Variants in RBFOX1 observed in about 807,000 individuals in gnomAD.
The protein encoded by RBFOX1 is RNA binding fox-1 homolog 1, also known as RNA binding protein fox-1 homolog 1.
RBFOX1 carries 8 observed loss-of-function variants against 57.7 expected under a neutral mutation model. The observed-to-expected ratio is 0.14, with a 90% CI of 0.08 to 0.25. The LOEUF (loss-of-function observed/expected upper bound fraction) is 0.25, where lower values mean the gene tolerates loss of function less well. Ranked by LOEUF, RBFOX1 falls within the 10% of genes least tolerant of loss-of-function variation. The pLI is 1.00. For synonymous variants in RBFOX1, 326 were observed against 222.4 expected (o/e 1.47, Z -4.15); for missense variants, 611 against 548.5 (o/e 1.11, Z -1.14).
At chr16:6,664,393 T>C (rs1453763911) in intron 3 of RBFOX1, among the ~76,000 whole-genome samples, 2 of 152,188 alleles carry the variant, frequency 1.3e-5, no homozygotes, top group East Asian at 1.9e-4. Flanking sequence ...CTGGTCCTAC[T>C]ATCTCTGGTC....
At chr16:5,845,899 G>T (rs181228101) in intron 3 of RBFOX1, among the ~76,000 whole-genome samples, 1 of 152,254 alleles carries the variant, frequency 6.6e-6, no homozygotes, top group South Asian at 2.1e-4. Flanking sequence ...ATGGCCTGGC[G>T]TGGTGGCTCA....
rs2154242260 is a variant in RBFOX1, at chr16:6,786,201, T to C, written c.-16+131551T>C. Among the ~76,000 whole-genome samples, 2 of 152,210 alleles carry C rather than the reference T, an allele frequency of 1.3e-5. 1 individual carries two copies. The highest frequency in any genetic ancestry group is 6.8e-3 in the Middle Eastern group (2 of 294). ...ATGACCCTGTTGACTCCTCATTCCT[T>C]GGGGAGGGGTATGTCAGAAGAGGGT... On this transcript the variant is annotated intron_variant, in intron 3 of 15. Coordinates refer to ENST00000550418, the MANE Select transcript of RBFOX1 (RefSeq NM_018723.4).
At chr16:5,290,033 T>C (rs1393244013) in intron 1 of RBFOX1, among the ~76,000 whole-genome samples, 1 of 152,214 alleles carries the variant, frequency 6.6e-6, no homozygotes, top group Non-Finnish European at 1.5e-5. Flanking sequence ...TGGAATATTA[T>C]TCAGTCATCA....
At chr16:7,476,307 A>AATTACAAGC (rs1244845247) in intron 4 of RBFOX1, among the ~76,000 whole-genome samples, 2 of 152,198 alleles carry the variant, frequency 1.3e-5, no homozygotes, top group African/African-American at 4.8e-5. Flanking sequence ...TTACCCTCAC[A>AATTACAAGC]ATTACAAGCT....
intron 2 of RBFOX1, among the ~76,000 whole-genome samples, chr16:6,413,005 C>T (rs548861139): frequency 6.6e-6 from 1 of 152,276 alleles, no homozygotes; most frequent in East Asian, 1.9e-4. Context: ...AAAATTACAA[C>T]ACCAGGCTCA....
chr16:7,581,149 A>C (rs762069878), intron 6 of RBFOX1, among the ~76,000 whole-genome samples: 3 of 152,152 alleles, frequency 2.0e-5, no homozygotes, highest in Non-Finnish European at 2.9e-5. Flanking sequence ...GCATCCTAAT[A>C]TTGAAGATAC....
At chr16:7,677,784 C>G (rs1004536960) in intron 14 of RBFOX1, among the ~76,000 whole-genome samples, 1 of 152,102 alleles carries the variant, frequency 6.6e-6, no homozygotes, top group Non-Finnish European at 1.5e-5. Flanking sequence ...ACAATGATAA[C>G]AATTTGCATG....
chr16:5,283,375 C>T (rs1158146897), intron 1 of RBFOX1, among the ~76,000 whole-genome samples: 1 of 152,080 alleles, frequency 6.6e-6, no homozygotes. Flanking sequence ...TCCTCCAGAC[C>T]CCAGAATGGT....
At chr16:6,393,287 A>G (rs957062397) in intron 2 of RBFOX1, among the ~76,000 whole-genome samples, 1 of 152,216 alleles carries the variant, frequency 6.6e-6, no homozygotes, top group African/African-American at 2.4e-5. Flanking sequence ...AATCACAACT[A>G]TGAGTATAGG....
intron 3 of RBFOX1, among the ~76,000 whole-genome samples, chr16:6,968,167 C>G (rs1335855032): frequency 1.3e-5 from 2 of 152,148 alleles, no homozygotes; most frequent in Non-Finnish European, 2.9e-5. Flanking sequence ...TGGGAACCCC[C>G]TCTCCGTGGG....
At chr16:6,448,448 C>T (rs190910433) in intron 2 of RBFOX1, among the ~76,000 whole-genome samples, 292 of 152,194 alleles carry the variant, frequency 1.9e-3, no homozygotes, top group African/African-American at 6.8e-3. Context: ...TGAGCCACTG[C>T]GCCCAACCAG....
At chr16:6,381,715 G>T (rs1033848601) in intron 2 of RBFOX1, among the ~76,000 whole-genome samples, 3 of 152,206 alleles carry the variant, frequency 2.0e-5, no homozygotes, top group African/African-American at 4.8e-5. Context: ...TGTGTGCTAG[G>T]CCAGGCATTG....
At chr16:6,678,710 T>C (rs1250018232) in intron 3 of RBFOX1, among the ~76,000 whole-genome samples, 2 of 151,972 alleles carry the variant, frequency 1.3e-5, no homozygotes, top group Non-Finnish European at 2.9e-5. Context: ...GCTCTGTGTA[T>C]CTCAGAGTAG....
At chr16:7,432,674 T>C (rs987163431) in intron 4 of RBFOX1, among the ~76,000 whole-genome samples, 3 of 152,202 alleles carry the variant, frequency 2.0e-5, no homozygotes, top group African/African-American at 7.2e-5. Flanking sequence ...AATAAAACTT[T>C]ATTTACCAAA....
At chr16:7,480,149 G>C (rs147413244) in intron 4 of RBFOX1, among the ~76,000 whole-genome samples, 1 of 152,252 alleles carries the variant, frequency 6.6e-6, no homozygotes, top group East Asian at 1.9e-4. Context: ...TGTGTGTCTT[G>C]GGACAGCTAC....
At chr16:7,043,285 C>T (rs146586094) in intron 3 of RBFOX1, among the ~76,000 whole-genome samples, 22 of 152,244 alleles carry the variant, frequency 1.4e-4, no homozygotes, top group African/African-American at 4.6e-4. Context: ...CTATCACATA[C>T]GACCCTGTAT....
At chr16:6,540,565 T>G (rs1251500719) in intron 2 of RBFOX1, among the ~76,000 whole-genome samples, 1 of 133,894 alleles carries the variant, frequency 7.5e-6, no homozygotes, top group Non-Finnish European at 1.5e-5. Flanking sequence ...TGAGCCGAGA[T>G]TGCACCACTG....
intron 3 of RBFOX1, among the ~76,000 whole-genome samples, chr16:5,859,743 GTA>G (rs2057163269): frequency 6.6e-6 from 1 of 152,296 alleles, no homozygotes; most frequent in South Asian, 2.1e-4. Flanking sequence ...CATTTTACAG[GTA>G]TAAAATTATG....
rs113257097 is a variant in RBFOX1 at position 7,494,153 on chromosome 16, C to T, written c.28-23994C>T. Among the ~76,000 whole-genome samples the T allele has an allele frequency of 5.2e-3, 789 of 152,252 alleles. 5 individuals carry two copies. The highest frequency in any genetic ancestry group is 7.3e-3 in the Non-Finnish European group (497 of 68,022). On this transcript the variant is annotated intron_variant, in intron 4 of 15. Transcript: ENST00000550418. ...TGAGAAGAGATAATTCACATGGCCC[C>T]ACTTTCTGATTTTTTTGGACTGGGA...
Sources: gnomAD v4.1 joint callset for allele counts (sites outside exome capture counted in the v4.1 genomes callset) on GRCh38, gnomAD v4.1.1 for gene constraint, MANE v1.5 for transcripts, NCBI Gene and HGNC (gene_info 2026-07-23, HGNC 2026-07-21) for gene names.